OOSP4A: variants seen among roughly 807,000 people sequenced by gnomAD.
OOSP4A encodes the protein oocyte-secreted protein 4A.
At chr11:59,964,273 C>A (rs908164984) in intron 1 of OOSP4A, among the ~76,000 whole-genome samples, 174 bp downstream of exon 1, 1 of 151,660 alleles carries the variant, frequency 6.6e-6, no homozygotes, top group Non-Finnish European at 1.5e-5. Flanking sequence ...ATCTTTACCC[C>A]TGTACTTCCT....
At chr11:59,967,753 G>T (rs1009229363) in intron 3 of OOSP4A, among the ~76,000 whole-genome samples, 2 of 152,086 alleles carry the variant, frequency 1.3e-5, no homozygotes, top group East Asian at 3.9e-4. Flanking sequence ...AGAGAGTAAA[G>T]CAGGAGAGCC....
downstream of OOSP4A, chr11:59,970,248 C>T (rs1183458545): frequency 1.5e-5 from 6 of 392,528 alleles, no homozygotes; most frequent in Non-Finnish European, 2.7e-5. Context: ...AATGAAAAAA[C>T]CTGCTCTGTT....
At chr11:59,965,328 G>A (rs967555382) in intron 1 of OOSP4A, among the ~76,000 whole-genome samples, 4 of 151,938 alleles carry the variant, frequency 2.6e-5, no homozygotes, top group Non-Finnish European at 5.9e-5. Flanking sequence ...GTACTTCTAC[G>A]GTTTTTCCAC....
At chr11:59,966,891 T>G (rs2134585447) in intron 2 of OOSP4A, among the ~76,000 whole-genome samples, 176 bp from the exon 3 acceptor site, 1 of 152,272 alleles carries the variant, frequency 6.6e-6, no homozygotes, top group Non-Finnish European at 1.5e-5. Flanking sequence ...AAACCAGGGA[T>G]TTTTATCACT....
chr11:59,964,716 A>G (rs1456719725), intron 1 of OOSP4A, among the ~76,000 whole-genome samples: 1 of 152,214 alleles, frequency 6.6e-6, no homozygotes, highest in Non-Finnish European at 1.5e-5. Context: ...ATAGTTGGCA[A>G]TCAAAATTAT....
intron 4 of OOSP4A, among the ~76,000 whole-genome samples, chr11:59,969,602 T>A (rs2134587633): frequency 6.6e-6 from 1 of 152,318 alleles, no homozygotes; most frequent in African/African-American, 2.4e-5. Flanking sequence ...CCCGTAAAGA[T>A]AGTAATTGAT....
chr11:59,970,019 A>T (rs1033799676), intron 4 of OOSP4A, 30 bp from the exon 5 acceptor site: 2 of 397,792 alleles, frequency 5.0e-6, no homozygotes, highest in Admixed American at 4.4e-5. Context: ...TCAGTACAAC[A>T]ATGTAACTGT....
At chr11:59,968,958 A>G (rs1387385691) in intron 3 of OOSP4A, among the ~76,000 whole-genome samples, 192 bp from the exon 4 acceptor site, 3 of 152,312 alleles carry the variant, frequency 2.0e-5, no homozygotes, top group Non-Finnish European at 2.9e-5. Context: ...GTCGTATGCA[A>G]CCATCTGTGA....
At chr11:59,968,756 T>C (rs1854127653) in intron 3 of OOSP4A, among the ~76,000 whole-genome samples, 1 of 152,206 alleles carries the variant, frequency 6.6e-6, no homozygotes, top group Admixed American at 6.6e-5. Context: ...AGGGAGAATT[T>C]TAGTGACCCC....
In OOSP4A at chr11:59,970,048, G is replaced by A. The variant is rs556735375; in HGVS notation, c.480-1G>A. The A allele has an allele frequency of 5.0e-6, 2 of 398,078 alleles. No homozygotes were observed. The highest frequency in any genetic ancestry group is 7.1e-5 in the East Asian group (2 of 28,042). The allele number at this position is 398,078 out of a possible 1,614,324, so 24.7% of individuals were successfully genotyped here. On this transcript the variant is annotated splice_acceptor_variant, in intron 4 of 4. Coordinates refer to ENST00000645590, the Ensembl canonical transcript of OOSP4A. LOFTEE classifies it high-confidence loss of function. ...TAACTGTTTCTTTTCCGTCCTTACA[G>A]GAACAGTGTTCCCTTGTTGAGCTAC...
chr11:59,968,619 C>T (rs942777547), intron 3 of OOSP4A, among the ~76,000 whole-genome samples: 2 of 152,208 alleles, frequency 1.3e-5, no homozygotes, highest in Non-Finnish European at 2.9e-5. Flanking sequence ...CTTTTCTACA[C>T]CTGCATGTCT....
At chr11:59,967,299 G>T in intron 3 of OOSP4A, 135 bp downstream of exon 3, 1 of 392,430 alleles carries the variant, frequency 2.5e-6, no homozygotes, top group Non-Finnish European at 4.5e-6. Flanking sequence ...TGTTCTGTTG[G>T]TCATGTGAGT....
chr11:59,969,897 G>A (rs761550765), intron 4 of OOSP4A, among the ~76,000 whole-genome samples, 152 bp from the exon 5 acceptor site: 11 of 152,138 alleles, frequency 7.2e-5, no homozygotes, highest in Non-Finnish European at 1.6e-4. Flanking sequence ...TCGTATTTGT[G>A]ATACTTGAAT....
chr11:59,970,051 A>G (rs149567957), exon 5 of OOSP4A: 453 of 398,164 alleles, frequency 1.1e-3, no homozygotes, highest in African/African-American at 8.3e-3. Context: ...CCTTACAGGA[A>G]CAGTGTTCCC....
intron 1 of OOSP4A, 138 bp downstream of exon 1, chr11:59,964,237 C>T (rs142953628): frequency 5.2e-6 from 2 of 387,984 alleles, no homozygotes; most frequent in Non-Finnish European, 9.0e-6. Context: ...AACTAATGAT[C>T]GCAAAGTTAC....
chr11:59,969,281 A>G (rs1056615427), exon 4 of OOSP4A: 8 of 398,408 alleles, frequency 2.0e-5, no homozygotes, highest in African/African-American at 1.2e-4. Flanking sequence ...AGAGTGTCCT[A>G]TGTGTAAGAG....
chr11:59,964,303 C>G (rs1474252313), intron 1 of OOSP4A, among the ~76,000 whole-genome samples: 3 of 152,006 alleles, frequency 2.0e-5, no homozygotes, highest in African/African-American at 7.3e-5. Flanking sequence ...TTCCTCTAAG[C>G]TGATCTCAAG....
chr11:59,967,495 T>C (rs1028438559), intron 3 of OOSP4A, among the ~76,000 whole-genome samples: 2 of 152,156 alleles, frequency 1.3e-5, no homozygotes, highest in African/African-American at 2.4e-5. Flanking sequence ...ATGGCTATTA[T>C]AGGAGTTCTT....
At chr11:59,967,247 C>A (rs1854110373) in intron 3 of OOSP4A, 83 bp downstream of exon 3, 2 of 394,524 alleles carry the variant, frequency 5.1e-6, no homozygotes, top group Non-Finnish European at 8.9e-6. Context: ...AACTGCTGAA[C>A]ATTATGCTAA....
Sources: allele counts gnomAD v4.1 joint callset (sites outside exome capture counted in the v4.1 genomes callset), GRCh38; gene constraint gnomAD v4.1.1; transcripts MANE v1.5; gene names NCBI Gene and HGNC (gene_info 2026-07-23, HGNC 2026-07-21).